ENTPD1: variants seen among roughly 807,000 people sequenced by gnomAD.
The protein encoded by ENTPD1 is ectonucleoside triphosphate diphosphohydrolase 1, also known as ATP diphosphohydrolase.
ENTPD1 carries 33 observed loss-of-function variants against 57.0 expected under a neutral mutation model. The ratio of observed to expected loss-of-function variants is 0.58; its 90% CI spans 0.44 to 0.77. The LOEUF is 0.77. Among genes scored for constraint, ENTPD1 ranks in the 30% least tolerant of loss-of-function variants. ENTPD1 has a pLI of 0.00. For synonymous variants in ENTPD1, 202 were observed against 218.8 expected (o/e 0.92, Z 0.68); for missense variants, 501 against 603.4 (o/e 0.83, Z 1.78).
At chr10:95,785,735 G>C (rs2098177045) in intron 1 of ENTPD1, among the ~76,000 whole-genome samples, 1 of 152,176 alleles carries the variant, frequency 6.6e-6, no homozygotes, top group Admixed American at 6.5e-5. Flanking sequence ...AGTCAGACAG[G>C]CTTGTCCTCA....
intron 1 of ENTPD1, among the ~76,000 whole-genome samples, chr10:95,722,117 G>A (rs967116519): frequency 6.6e-6 from 1 of 152,048 alleles, no homozygotes; most frequent in African/African-American, 2.4e-5. Flanking sequence ...TTCTATAAGT[G>A]CTTTAAGACT....
chr10:95,757,993 A>G (rs1270700159), intron 1 of ENTPD1, among the ~76,000 whole-genome samples: 2 of 119,820 alleles, frequency 1.7e-5, no homozygotes, highest in African/African-American at 6.6e-5. Context: ...CGAGAGTGAG[A>G]CACTGTCTCA....
At chr10:95,725,444 T>C (rs149786807) in intron 1 of ENTPD1, among the ~76,000 whole-genome samples, 1 of 152,332 alleles carries the variant, frequency 6.6e-6, no homozygotes, top group Admixed American at 6.5e-5. Flanking sequence ...TATGAACTAA[T>C]ATAGCAACTC....
At chr10:95,798,984 CT>C (rs1566161865) in intron 1 of ENTPD1, among the ~76,000 whole-genome samples, 2 of 152,176 alleles carry the variant, frequency 1.3e-5, no homozygotes, top group Admixed American at 6.5e-5. Flanking sequence ...CTTCAGTGGT[CT>C]TCACGTTGCT....
chr10:95,771,279 A>G (rs1346200535), intron 1 of ENTPD1, among the ~76,000 whole-genome samples: 1 of 152,172 alleles, frequency 6.6e-6, no homozygotes, highest in Non-Finnish European at 1.5e-5. Context: ...TTTCCAAATT[A>G]TTTTTCAAAA....
intron 2 of ENTPD1, among the ~76,000 whole-genome samples, chr10:95,827,638 A>T (rs1590043724): frequency 1.3e-5 from 2 of 152,042 alleles, no homozygotes; most frequent in East Asian, 3.9e-4. Flanking sequence ...GGCACGTGCC[A>T]CCATGCCCAG....
At chr10:95,814,954 C>A (rs1292442512) in intron 1 of ENTPD1, among the ~76,000 whole-genome samples, 1 of 152,020 alleles carries the variant, frequency 6.6e-6, no homozygotes, top group Non-Finnish European at 1.5e-5. Context: ...TTCTTTTTTG[C>A]CTTTTGCCCT....
upstream of ENTPD1, chr10:95,755,830 C>A: frequency 6.6e-7 from 1 of 1,510,908 alleles, no homozygotes; most frequent in Non-Finnish European, 8.9e-7. Context: ...TTGCTTGCAG[C>A]TGAGATGACT....
chr10:95,847,143 T>C (rs1590135718), intron 6 of ENTPD1, among the ~76,000 whole-genome samples: 1 of 152,228 alleles, frequency 6.6e-6, no homozygotes, highest in Admixed American at 6.5e-5. Flanking sequence ...GCTCCTGACC[T>C]AGATGATTAG....
chr10:95,713,367 T>G (rs570613322), intron 1 of ENTPD1, among the ~76,000 whole-genome samples: 1 of 152,348 alleles, frequency 6.6e-6, no homozygotes, highest in South Asian at 2.1e-4. Flanking sequence ...TAAACAATTG[T>G]CTTACTTGTA....
Position 95,864,752 on chromosome 10 carries a change from A to AG in ENTPD1, c.1218dup (p.Lys407GlufsTer5), listed in dbSNP as rs778293885. 4.3e-6 allele frequency: 7 copies of AG among 1,614,150 alleles called. No homozygotes were observed. Among genetic ancestry groups the AG allele is most frequent in the Non-Finnish European group, 5.9e-6 (7 of 1,180,036 alleles). The stretch of plus-strand genomic sequence containing the variant: ...AAAACATCTTACGCTGGAGTAAAGG[A>AG]GAAGTACCTGAGTGAATACTGCTTT... On this transcript the variant is annotated frameshift_variant, in exon 9 of 10. Coordinates refer to ENST00000371205, the MANE Select transcript of ENTPD1 (RefSeq NM_001776.6). LOFTEE classifies it high-confidence loss of function.
chr10:95,876,296 A>G lies in ENTPD1; in HGVS notation c.*9913A>G. ...TGACATCCAACTTATTAATTATGAA[A>G]TGACTTTTGGCCTAGTAACAATGAA... On this transcript the variant is annotated 3_prime_UTR_variant, in exon 10 of 10. Coordinates refer to ENST00000371205, the MANE Select transcript of ENTPD1 (RefSeq NM_001776.6). 1.0e-6 allele frequency: 1 copy of G among 983,046 alleles called. No individual in the cohort carries two copies. The highest frequency in any genetic ancestry group is 1.2e-6 in the Non-Finnish European group (1 of 827,746). The allele number at this position is 983,046 out of a possible 1,614,324, so 60.9% of individuals were successfully genotyped here. A position where few individuals can be genotyped will look rare whatever the true frequency, so the allele number is the denominator to read the frequency against.
intron 1 of ENTPD1, among the ~76,000 whole-genome samples, chr10:95,781,519 A>G (rs1189271071): frequency 1.3e-5 from 2 of 152,172 alleles, no homozygotes; most frequent in Non-Finnish European, 2.9e-5. Flanking sequence ...ATTATTACGC[A>G]TTGCATGCCT....
chr10:95,742,125 A>G (rs551318076), intron 1 of ENTPD1, among the ~76,000 whole-genome samples: 121 of 152,352 alleles, frequency 7.9e-4, no homozygotes, highest in Non-Finnish European at 1.5e-3. Flanking sequence ...TGTGTTCTTC[A>G]AAACTTTCCA....
chr10:95,834,694 T>C (rs991748453), intron 2 of ENTPD1, among the ~76,000 whole-genome samples: 4 of 152,150 alleles, frequency 2.6e-5, no homozygotes, highest in Non-Finnish European at 5.9e-5. Flanking sequence ...ATCTGCCCCA[T>C]ATCTATACGG....
intron 2 of ENTPD1, among the ~76,000 whole-genome samples, chr10:95,830,644 A>T (rs2098393564): frequency 6.6e-6 from 1 of 152,150 alleles, no homozygotes. Flanking sequence ...CTCTACTAAA[A>T]ATACAAAAAT....
upstream of ENTPD1, among the ~76,000 whole-genome samples, chr10:95,709,681 G>C (rs1252271939): frequency 6.6e-6 from 1 of 151,722 alleles, no homozygotes; most frequent in East Asian, 1.9e-4. Context: ...CCGGGCCTGG[G>C]CCTCTTGTCT....
rs1208193507 is a variant in ENTPD1, at chr10:95,871,221, TA to T, written c.*4841del. ...TTAACACAGGAAAAAAGTAAAGCAT[TA>T]AATGCGATTATTTAATATACAATGT... On this transcript the variant is annotated 3_prime_UTR_variant, in exon 10 of 10. Transcript: ENST00000371205. 1 of 985,340 alleles carries T rather than the reference TA, an allele frequency of 1.0e-6. No homozygotes were observed. The highest frequency in any genetic ancestry group is 1.7e-5 in the African/African-American group (1 of 57,258). The allele number at this position is 985,340 out of a possible 1,614,324, so 61.0% of individuals were successfully genotyped here. A position where few individuals can be genotyped will look rare whatever the true frequency, so the allele number is the denominator to read the frequency against.
chr10:95,800,446 A>G (rs2098244399), intron 1 of ENTPD1, among the ~76,000 whole-genome samples: 1 of 152,184 alleles, frequency 6.6e-6, no homozygotes, highest in African/African-American at 2.4e-5. Context: ...CATTGTCTTG[A>G]TAAACATCTT....
Sources: gnomAD v4.1 joint callset for allele counts (sites outside exome capture counted in the v4.1 genomes callset) on GRCh38, gnomAD v4.1.1 for gene constraint, MANE v1.5 for transcripts, NCBI Gene and HGNC (gene_info 2026-07-23, HGNC 2026-07-21) for gene names.